The following CSMD1 variants were observed in gnomAD, a reference collection of about 807,000 sequenced individuals.
The protein encoded by CSMD1 is CUB and Sushi multiple domains 1, also known as CUB and sushi domain-containing protein 1.
In CSMD1, 213 loss-of-function variants were observed where a neutral mutation model predicts 417.5. The observed-to-expected ratio is 0.51, with a 90% CI of 0.46 to 0.57. The LOEUF (loss-of-function observed/expected upper bound fraction) is 0.57. Among genes scored for constraint, CSMD1 ranks in the 20% least tolerant of loss-of-function variants. CSMD1 has a pLI of 0.00. For synonymous variants in CSMD1, 2,862 were observed against 1,736.8 expected, an observed-to-expected ratio of 1.65 and a Z score of -16.11; for missense variants, 6,923 against 4,529.7, an observed-to-expected ratio of 1.53 and a Z score of -15.17.
At chr8:4,667,551 G>A (rs1207503012) in intron 1 of CSMD1, among the ~76,000 whole-genome samples, 2 of 151,560 alleles carry the variant, frequency 1.3e-5, no homozygotes, top group African/African-American at 4.9e-5. Context: ...TTAGTGTATT[G>A]TAGTTCAAAA....
chr8:4,818,521 G>C (rs536341919), intron 1 of CSMD1, among the ~76,000 whole-genome samples: 1 of 152,188 alleles, frequency 6.6e-6, no homozygotes, highest in Non-Finnish European at 1.5e-5. Flanking sequence ...TACGTATTAA[G>C]AATAATATTA....
chr8:3,631,692 C>T (rs753424649), intron 7 of CSMD1, among the ~76,000 whole-genome samples: 12 of 152,130 alleles, frequency 7.9e-5, no homozygotes, highest in Admixed American at 2.0e-4. Flanking sequence ...AGTCGTCAGA[C>T]GGAGGGAAGA....
At chr8:2,945,650 A>AACACCAG (rs1802176747) in intron 68 of CSMD1, among the ~76,000 whole-genome samples, 1 of 152,008 alleles carries the variant, frequency 6.6e-6, no homozygotes, top group East Asian at 1.9e-4. Flanking sequence ...GGTCTTCACA[A>AACACCAG]TAACACATGG....
chr8:3,261,261 C>A (rs1224192232), intron 26 of CSMD1, among the ~76,000 whole-genome samples: 3 of 152,172 alleles, frequency 2.0e-5, no homozygotes, highest in Non-Finnish European at 2.9e-5. Context: ...GTACGCGTTG[C>A]TGGTGAGAAT....
intron 1 of CSMD1, among the ~76,000 whole-genome samples, chr8:4,969,090 A>G (rs1444404608): frequency 6.6e-6 from 1 of 152,186 alleles, no homozygotes; most frequent in East Asian, 1.9e-4. Context: ...CAGCTCACTG[A>G]CCTGGTGGTT....
chr8:4,942,410 G>A (rs1284094420), intron 1 of CSMD1, among the ~76,000 whole-genome samples: 1 of 151,874 alleles, frequency 6.6e-6, no homozygotes, highest in African/African-American at 2.4e-5. Flanking sequence ...TTGTACTGGA[G>A]GAATTCACAG....
intron 1 of CSMD1, among the ~76,000 whole-genome samples, chr8:4,831,771 G>A (rs1800163841): frequency 6.6e-6 from 1 of 152,100 alleles, no homozygotes; most frequent in Non-Finnish European, 1.5e-5. Context: ...CAACTTTAGG[G>A]AGATGACTGC....
chr8:3,939,375 G>A (rs1029515184), intron 5 of CSMD1, among the ~76,000 whole-genome samples: 1 of 152,114 alleles, frequency 6.6e-6, no homozygotes, highest in African/African-American at 2.4e-5. Flanking sequence ...TGTTGGCATG[G>A]ATATGGTGAA....
chr8:4,424,262 AC>A (rs1563158794), intron 2 of CSMD1, among the ~76,000 whole-genome samples: 1 of 152,056 alleles, frequency 6.6e-6, no homozygotes, highest in African/African-American at 2.4e-5. Context: ...TATGCTGCAG[AC>A]TGGGAAAACA....
chr8:4,657,026 A>G (rs1352931377), intron 1 of CSMD1, among the ~76,000 whole-genome samples: 1 of 152,168 alleles, frequency 6.6e-6, no homozygotes, highest in African/African-American at 2.4e-5. Context: ...CAAAGCCACC[A>G]GGACACGCAA....
chr8:4,564,951 T>C (rs962085648), intron 2 of CSMD1, among the ~76,000 whole-genome samples: 3 of 152,214 alleles, frequency 2.0e-5, no homozygotes, highest in Non-Finnish European at 2.9e-5. Flanking sequence ...TTATGAATTT[T>C]TGTGCTCAAA....
At position 2,962,522 on chromosome 8, in the gene CSMD1, G is replaced by C; in HGVS notation, c.9572C>G (p.Ser3191Cys). The C allele has an allele frequency of 6.2e-7, 1 of 1,613,930 alleles. No homozygotes were observed. The highest frequency in any genetic ancestry group is 2.2e-5 in the East Asian group (1 of 44,858). ...GCCGTCAGCTTGGCAGACTCTTCTG[G>C]AGGATCCCACGAGTATAAATGGAGA... Reference protein sequence around the residue: ...CKSPFILVGSSRRVCQADGTW... With the variant: ...CKSPFILVGSCRRVCQADGTW... The change falls in exon 61 of 70, where the codon TCC (serine) becomes TGC (cysteine). Residue 3191 changes from serine (S) to cysteine (C), a missense_variant. Ser to Cys is a moderately radical substitution (Grantham distance 112). Transcript: ENST00000635120.
intron 2 of CSMD1, among the ~76,000 whole-genome samples, chr8:4,598,124 C>T (rs1012450935): frequency 6.6e-6 from 1 of 152,126 alleles, no homozygotes; most frequent in African/African-American, 2.4e-5. Context: ...TCCCCTGTAT[C>T]TCTTTACAAA....
chr8:3,847,815 T>A (rs1051681015), intron 5 of CSMD1, among the ~76,000 whole-genome samples: 3 of 152,204 alleles, frequency 2.0e-5, no homozygotes, highest in African/African-American at 7.2e-5. Flanking sequence ...TAATTGCACA[T>A]CAAACCTCAT....
intron 2 of CSMD1, among the ~76,000 whole-genome samples, chr8:4,513,557 A>T (rs947494669): frequency 6.6e-6 from 1 of 152,332 alleles, no homozygotes; most frequent in South Asian, 2.1e-4. Context: ...CTAGAGAATC[A>T]TATCAAGTGA....
intron 1 of CSMD1, among the ~76,000 whole-genome samples, chr8:4,955,260 C>A (rs961776142): frequency 2.0e-5 from 3 of 152,062 alleles, no homozygotes; most frequent in African/African-American, 7.2e-5. Context: ...ACACAGTCAT[C>A]CTTAAAAACC....
chr8:2,990,247 G>A (rs968646624), intron 54 of CSMD1, among the ~76,000 whole-genome samples: 11 of 152,286 alleles, frequency 7.2e-5, no homozygotes, highest in African/African-American at 2.2e-4. Context: ...TCTTCCCATC[G>A]CCATTCCGGT....
At chr8:4,292,347 G>A (rs1048052657) in intron 3 of CSMD1, among the ~76,000 whole-genome samples, 2 of 152,070 alleles carry the variant, frequency 1.3e-5, no homozygotes, top group East Asian at 1.9e-4. Flanking sequence ...CTGCCTCCGG[G>A]GTTCACGCCT....
chr8:4,088,262 G>A (rs1227642137), intron 3 of CSMD1, among the ~76,000 whole-genome samples: 1 of 152,184 alleles, frequency 6.6e-6, no homozygotes, highest in Non-Finnish European at 1.5e-5. Context: ...TTTGCGAGTC[G>A]TGTTCCCACT....
Sources: allele counts gnomAD v4.1 joint callset (sites outside exome capture counted in the v4.1 genomes callset), GRCh38; gene constraint gnomAD v4.1.1; transcripts MANE v1.5; gene names NCBI Gene and HGNC (gene_info 2026-07-23, HGNC 2026-07-21).